The following PCDHA8 variants were observed in gnomAD, a reference collection of about 807,000 sequenced individuals.
PCDHA8 encodes protocadherin alpha 8.
A neutral mutation model predicts 61.8 loss-of-function variants in PCDHA8; 53 were observed. That is an observed-to-expected ratio of 0.86 (90% CI 0.69 to 1.08). The LOEUF (loss-of-function observed/expected upper bound fraction) is 1.08. Ranked by LOEUF, PCDHA8 falls within the 50% of genes least tolerant of loss-of-function variation. The pLI is 0.00. For missense variants in PCDHA8, 1,293 were observed against 1,245.0 expected (o/e 1.04, Z -0.58); for synonymous variants, 618 against 556.6 (o/e 1.11, Z -1.55).
At chr5:140,876,963 G>T in intron 1 of PCDHA8, 4 of 1,613,068 alleles carry the variant, frequency 2.5e-6, no homozygotes, top group Non-Finnish European at 2.5e-6. Context: ...TGGTGGAGCG[G>T]CGGGTGGGCG....
At chr5:140,870,239 G>A (rs781847723) in intron 1 of PCDHA8, 2 of 1,614,134 alleles carry the variant, frequency 1.2e-6, no homozygotes, top group South Asian at 1.1e-5. Flanking sequence ...CGTGACTCAG[G>A]TGTCAACGGA....
chr5:140,951,966 C>G (rs1554220177), intron 1 of PCDHA8, among the ~76,000 whole-genome samples: 1 of 152,128 alleles, frequency 6.6e-6, no homozygotes, highest in African/African-American at 2.4e-5. Flanking sequence ...GGTAAATACT[C>G]CTGTTCCAAA....
intron 1 of PCDHA8, chr5:140,883,799 C>T: frequency 1.2e-6 from 2 of 1,612,460 alleles, no homozygotes; most frequent in Non-Finnish European, 1.7e-6. Flanking sequence ...CGTGTCGGTG[C>T]ACGCGGAGAG....
Position 140,843,486 on chromosome 5 carries a change from G to A in PCDHA8, c.2165G>A (p.Arg722Gln). The A allele has an allele frequency of 2.5e-6, 4 of 1,595,976 alleles. 1 individual carries two copies. The highest frequency in any genetic ancestry group is 1.7e-5 in the Admixed American group (1 of 59,314). ...ACGCTGCTGCTGTACACTGCGCTGC[G>A]GTGCTCAGCACTGCCCACTGAGGGC... ...VLTLLLYTAL[R>Q]CSALPTEGGC... is the part of the protein sequence containing the mutation. Residue 722 changes from arginine (R) to glutamine (Q), a missense_variant, in exon 1 of 4, where the codon CGG becomes CAG. Arg to Gln is a conservative substitution (Grantham distance 43). Transcript: ENST00000531613.
intron 3 of PCDHA8, among the ~76,000 whole-genome samples, chr5:140,986,421 C>T (rs1554248030): frequency 6.6e-6 from 1 of 152,178 alleles, no homozygotes; most frequent in Non-Finnish European, 1.5e-5. Flanking sequence ...CTCTTTTTAA[C>T]TTCATGAGTA....
At chr5:140,995,571 T>A (rs2097689586) in intron 3 of PCDHA8, among the ~76,000 whole-genome samples, 1 of 152,252 alleles carries the variant, frequency 6.6e-6, no homozygotes, top group Admixed American at 6.5e-5. Flanking sequence ...TATGTCAAGA[T>A]GAGCTATGAG....
intron 1 of PCDHA8, among the ~76,000 whole-genome samples, chr5:140,924,911 TA>T (rs1563069164): frequency 3.0e-4 from 18 of 59,772 alleles, no homozygotes; most frequent in Middle Eastern, 7.5e-3. Flanking sequence ...AAAAATAAAA[TA>T]AAATAAAATA....
chr5:140,871,176 G>A (rs782559553), intron 1 of PCDHA8: 12 of 1,613,416 alleles, frequency 7.4e-6, no homozygotes, highest in Non-Finnish European at 1.0e-5. Flanking sequence ...CAGAGGCTGC[G>A]CTGGTGGATG....
intron 1 of PCDHA8, among the ~76,000 whole-genome samples, chr5:140,923,593 A>G (rs2081438423): frequency 6.6e-6 from 1 of 152,246 alleles, no homozygotes. Flanking sequence ...TTGTTAATTC[A>G]TAATTTTAAT....
intron 1 of PCDHA8, among the ~76,000 whole-genome samples, chr5:140,953,706 G>A (rs1464812227): frequency 1.3e-5 from 2 of 152,144 alleles, no homozygotes; most frequent in Non-Finnish European, 1.5e-5. Context: ...ACTAGACTGA[G>A]CTTCAGACAT....
intron 1 of PCDHA8, among the ~76,000 whole-genome samples, chr5:140,871,921 A>G (rs1267841761): frequency 6.6e-6 from 1 of 152,296 alleles, no homozygotes; most frequent in African/African-American, 2.4e-5. Flanking sequence ...ATATTTCCAC[A>G]TTGTTAGATC....
At chr5:140,930,616 G>T (rs2086997332) in intron 1 of PCDHA8, among the ~76,000 whole-genome samples, 2 of 152,154 alleles carry the variant, frequency 1.3e-5, no homozygotes, top group African/African-American at 4.8e-5. Context: ...TGCAAGAGAA[G>T]GAGGTGTGTA....
chr5:140,997,575 C>T (rs565835201), intron 3 of PCDHA8, among the ~76,000 whole-genome samples: 5 of 151,884 alleles, frequency 3.3e-5, no homozygotes, highest in East Asian at 3.9e-4. Context: ...ATGTGTGGTC[C>T]GTTGTTGACT....
intron 1 of PCDHA8, among the ~76,000 whole-genome samples, chr5:140,899,542 G>A (rs2067394532): frequency 6.6e-6 from 1 of 152,156 alleles, no homozygotes; most frequent in Non-Finnish European, 1.5e-5. Flanking sequence ...ACTTGATCAT[G>A]GTGGATAAGC....
At chr5:140,862,828 G>A in intron 1 of PCDHA8, 1 of 572,818 alleles carries the variant, frequency 1.7e-6, no homozygotes, top group Non-Finnish European at 3.3e-6. Context: ...GAGAGCGCGC[G>A]ACGCGGGCAT....
At chr5:140,906,709 GC>G (rs1228410148) in intron 1 of PCDHA8, among the ~76,000 whole-genome samples, 7 of 152,190 alleles carry the variant, frequency 4.6e-5, no homozygotes, top group African/African-American at 1.4e-4. Context: ...TTGTAGTCCT[GC>G]CTGGATTGTG....
intron 1 of PCDHA8, chr5:140,849,976 T>A: frequency 1.3e-6 from 2 of 1,597,616 alleles, no homozygotes; most frequent in Non-Finnish European, 1.7e-6. Context: ...TCCTACTCGC[T>A]GGTGGAGCGG....
At chr5:140,899,508 T>C (rs1389762615) in intron 1 of PCDHA8, among the ~76,000 whole-genome samples, 4 of 151,990 alleles carry the variant, frequency 2.6e-5, no homozygotes, top group Admixed American at 1.3e-4. Flanking sequence ...GATTTGCATA[T>C]ATTGCATCCC....
rs1554169929 is a variant in PCDHA8 at position 140,877,625 on chromosome 5, A to G, written c.2394+33910A>G. On this transcript the variant is annotated intron_variant, in intron 1 of 3. Coordinates refer to ENST00000531613, the MANE Select transcript of PCDHA8 (RefSeq NM_018911.3). ...CTGCTGGTGCTCACGCTGCTGCTGT[A>G]CACTGCGCTGCGTTGCTCAGCGCCG... 6.2e-7 allele frequency: 1 copy of G among 1,613,774 alleles called. No individual in the cohort carries two copies. Among genetic ancestry groups the G allele is most frequent in the Non-Finnish European group, 8.5e-7 (1 of 1,179,852 alleles).
Sources: gnomAD v4.1 joint callset for allele counts (sites outside exome capture counted in the v4.1 genomes callset) on GRCh38, gnomAD v4.1.1 for gene constraint, MANE v1.5 for transcripts, NCBI Gene and HGNC (gene_info 2026-07-23, HGNC 2026-07-21) for gene names.